The following CTNND2 variants were observed in gnomAD, a reference collection of about 807,000 sequenced individuals.
CTNND2 encodes catenin delta 2, also known as catenin delta-2.
A neutral mutation model predicts 144.4 loss-of-function variants in CTNND2; 22 were observed. The observed-to-expected ratio is 0.15, with a 90% CI of 0.11 to 0.22. CTNND2 has a LOEUF of 0.22. CTNND2 is among the 10% of genes least tolerant of loss of function. CTNND2 has a pLI of 1.00. For missense variants in CTNND2, 1,353 were observed against 1,618.8 expected (o/e 0.84, Z 2.82); for synonymous variants, 751 against 695.6 (o/e 1.08, Z -1.25).
At chr5:11,199,339 A>T (rs1323935713) in intron 11 of CTNND2, 109 bp downstream of exon 11, 22 of 962,718 alleles carry the variant, frequency 2.3e-5, no homozygotes, top group Non-Finnish European at 3.5e-5. Context: ...GAGACCGCCT[A>T]TGTTATTAGA....
intron 9 of CTNND2, among the ~76,000 whole-genome samples, chr5:11,239,002 T>C (rs1038238395): frequency 1.3e-5 from 2 of 152,262 alleles, no homozygotes; most frequent in African/African-American, 4.8e-5. Context: ...AGTAGCCCTC[T>C]AGAATTATAT....
chr5:11,370,315 A>ACCT lies in CTNND2; in HGVS notation c.1178-5426_1178-5425insAGG, dbSNP rs1757350501. Among the ~76,000 whole-genome samples the ACCT allele has an allele frequency of 3.9e-5, 6 of 152,270 alleles. 1 individual carries two copies. In the South Asian group the frequency reaches 1.2e-3, roughly 32 times the overall value. ...ATACAACCCCCAAGAGATTCTGATT[A>ACCT]GGTCAGCCAAGTGGGATGCATCAAT... On this transcript the variant is annotated intron_variant, in intron 7 of 21. Transcript: ENST00000304623.
At chr5:11,522,550 A>G (rs1772834656) in intron 3 of CTNND2, among the ~76,000 whole-genome samples, 1 of 152,234 alleles carries the variant, frequency 6.6e-6, no homozygotes, top group South Asian at 2.1e-4. Flanking sequence ...ACAGGGAGAC[A>G]ATATCAAATC....
chr5:11,721,447 T>C (rs1184036142), intron 2 of CTNND2, among the ~76,000 whole-genome samples: 2 of 152,218 alleles, frequency 1.3e-5, no homozygotes, highest in South Asian at 2.1e-4. Flanking sequence ...CTAACATGAC[T>C]GATTTTTTAT....
intron 10 of CTNND2, among the ~76,000 whole-genome samples, chr5:11,204,634 C>T (rs1737850899): frequency 6.6e-6 from 1 of 152,146 alleles, no homozygotes; most frequent in African/African-American, 2.4e-5. Context: ...AATGAATTAG[C>T]TATCATCATT....
intron 3 of CTNND2, among the ~76,000 whole-genome samples, chr5:11,507,119 C>G (rs992794008): frequency 2.0e-5 from 3 of 152,182 alleles, no homozygotes; most frequent in Non-Finnish European, 4.4e-5. Flanking sequence ...GTACCTGGGA[C>G]AGTACACAAG....
intron 14 of CTNND2, among the ~76,000 whole-genome samples, chr5:11,110,505 C>A (rs1042992836): frequency 6.6e-6 from 1 of 152,198 alleles, no homozygotes; most frequent in Non-Finnish European, 1.5e-5. Context: ...TCCTGTTCCA[C>A]CCATCCCTGT....
intron 12 of CTNND2, among the ~76,000 whole-genome samples, chr5:11,124,705 CCT>C (rs1471241010): frequency 6.6e-6 from 1 of 152,106 alleles, no homozygotes; most frequent in East Asian, 1.9e-4. Flanking sequence ...ACGATCAACC[CCT>C]GACCGAGATT....
chr5:11,686,991 G>C (rs1784684987), intron 2 of CTNND2, among the ~76,000 whole-genome samples: 1 of 151,840 alleles, frequency 6.6e-6, no homozygotes, highest in African/African-American at 2.4e-5. Context: ...CCAGGGACGT[G>C]CCCTTTATAA....
intron 5 of CTNND2, among the ~76,000 whole-genome samples, chr5:11,399,924 T>G (rs1344977779): frequency 6.6e-6 from 1 of 152,228 alleles, no homozygotes; most frequent in Non-Finnish European, 1.5e-5. Flanking sequence ...ATTTACTCAT[T>G]CTAATTTTAG....
chr5:11,364,478 C>G, intron 8 of CTNND2: 2 of 419,924 alleles, frequency 4.8e-6, no homozygotes, highest in East Asian at 3.8e-5. Context: ...TTACAATCGC[C>G]ATTTGCTTCC....
chr5:11,479,104 G>A (rs1768007375), intron 3 of CTNND2, among the ~76,000 whole-genome samples: 1 of 152,114 alleles, frequency 6.6e-6, no homozygotes, highest in Non-Finnish European at 1.5e-5. Context: ...CAAGTACTAA[G>A]ACCTGTACCT....
At chr5:11,304,002 T>C (rs1055918116) in intron 9 of CTNND2, among the ~76,000 whole-genome samples, 4 of 152,158 alleles carry the variant, frequency 2.6e-5, no homozygotes, top group Non-Finnish European at 5.9e-5. Flanking sequence ...TCTCATTCTC[T>C]CTCTTGCCTG....
intron 8 of CTNND2, among the ~76,000 whole-genome samples, chr5:11,347,631 C>G (rs936573129): frequency 6.6e-6 from 1 of 152,208 alleles, no homozygotes; most frequent in African/African-American, 2.4e-5. Flanking sequence ...CAACAGCAGA[C>G]AGCCCACTTG....
intron 2 of CTNND2, among the ~76,000 whole-genome samples, chr5:11,632,625 C>T (rs1180752929): frequency 6.6e-6 from 1 of 152,014 alleles, no homozygotes; most frequent in South Asian, 2.1e-4. Context: ...AACAACAAAC[C>T]AGACATTAGA....
intron 1 of CTNND2, among the ~76,000 whole-genome samples, chr5:11,784,877 A>G (rs911735443): frequency 2.0e-5 from 3 of 152,238 alleles, no homozygotes; most frequent in African/African-American, 7.2e-5. Context: ...CACCTTAAGC[A>G]GAGGACCAAC....
At chr5:11,366,329 C>T in intron 7 of CTNND2, among the ~76,000 whole-genome samples, 1 of 151,980 alleles carries the variant, frequency 6.6e-6, no homozygotes, top group East Asian at 1.9e-4. Context: ...GAACAGTATT[C>T]CTGAATAATT....
chr5:11,181,944 G>T (rs904046467), intron 11 of CTNND2, among the ~76,000 whole-genome samples: 2 of 146,168 alleles, frequency 1.4e-5, no homozygotes, highest in Non-Finnish European at 3.0e-5. Flanking sequence ...GTGTGTGTGT[G>T]GGGGGGTGCG....
intron 3 of CTNND2, among the ~76,000 whole-genome samples, chr5:11,493,977 C>T (rs953258325): frequency 5.3e-5 from 8 of 151,956 alleles, no homozygotes; most frequent in Admixed American, 4.6e-4. Context: ...TTTTTAGATA[C>T]ATAACATTAA....
Sources: gnomAD v4.1 joint callset for allele counts (sites outside exome capture counted in the v4.1 genomes callset) on GRCh38, gnomAD v4.1.1 for gene constraint, MANE v1.5 for transcripts, NCBI Gene and HGNC (gene_info 2026-07-23, HGNC 2026-07-21) for gene names.